The following SPOCK3 variants were observed in gnomAD, a reference collection of about 807,000 sequenced individuals.
SPOCK3 encodes the protein SPARC (osteonectin), cwcv and kazal like domains proteoglycan 3.
A neutral mutation model predicts 56.6 loss-of-function variants in SPOCK3; 30 were observed. The ratio of observed to expected loss-of-function variants is 0.53; its 90% CI spans 0.40 to 0.72. The LOEUF is 0.72. Among genes scored for constraint, SPOCK3 ranks in the 30% least tolerant of loss-of-function variants. The pLI is 0.00. For synonymous variants in SPOCK3, 196 were observed against 183.3 expected, an observed-to-expected ratio of 1.07 and a Z score of -0.56; for missense variants, 527 against 530.0, an observed-to-expected ratio of 0.99 and a Z score of 0.06.
intron 6 of SPOCK3, among the ~76,000 whole-genome samples, chr4:166,819,000 T>C (rs1164155650): frequency 6.6e-6 from 1 of 152,070 alleles, no homozygotes; most frequent in Non-Finnish European, 1.5e-5. Context: ...CACTGATTTT[T>C]AGCAAATCAT....
At chr4:166,999,235 C>T (rs1012324088) in intron 4 of SPOCK3, among the ~76,000 whole-genome samples, 3 of 152,108 alleles carry the variant, frequency 2.0e-5, no homozygotes, top group Admixed American at 6.6e-5. Flanking sequence ...TTTTCAAACC[C>T]GCATACCTTT....
intron 3 of SPOCK3, among the ~76,000 whole-genome samples, chr4:167,051,771 C>T (rs949810738): frequency 3.3e-5 from 5 of 152,146 alleles, no homozygotes; most frequent in Non-Finnish European, 7.3e-5. Context: ...ACTGAGGTGG[C>T]GCCTGTCAAA....
intron 3 of SPOCK3, among the ~76,000 whole-genome samples, chr4:167,002,383 TA>T (rs149852603): frequency 0.025 from 3,733 of 152,258 alleles, 162 homozygotes; most frequent in African/African-American, 0.085. Flanking sequence ...CCATGAGATT[TA>T]AAATAAAGAA....
chr4:166,889,041 T>A, intron 6 of SPOCK3, 89 bp downstream of exon 6: 1 of 797,446 alleles, frequency 1.3e-6, no homozygotes, highest in South Asian at 1.5e-5. Context: ...AAAACAAACT[T>A]CATTGTGTAT....
At chr4:166,763,438 GTAA>G (rs1302824428) in intron 7 of SPOCK3, among the ~76,000 whole-genome samples, 1 of 152,070 alleles carries the variant, frequency 6.6e-6, no homozygotes, top group African/African-American at 2.4e-5. Flanking sequence ...GACAGAGAAT[GTAA>G]TAATACCAGA....
chr4:166,958,241 A>T (rs1285939713), intron 4 of SPOCK3, among the ~76,000 whole-genome samples: 1 of 151,956 alleles, frequency 6.6e-6, no homozygotes, highest in Non-Finnish European at 1.5e-5. Context: ...TGCTCTCTTG[A>T]TCCTGCTTTC....
At chr4:166,776,201 T>C (rs1401960569) in intron 7 of SPOCK3, among the ~76,000 whole-genome samples, 6 of 151,862 alleles carry the variant, frequency 4.0e-5, no homozygotes, top group Non-Finnish European at 8.8e-5. Context: ...GACCAGGAGG[T>C]CAGGAGATCG....
chr4:166,745,064 G>C (rs1735401712), intron 8 of SPOCK3, among the ~76,000 whole-genome samples: 1 of 152,184 alleles, frequency 6.6e-6, no homozygotes, highest in South Asian at 2.1e-4. Flanking sequence ...AAAACACTCT[G>C]CACGATATTA....
chr4:167,022,593 T>C (rs1751297499), intron 3 of SPOCK3, among the ~76,000 whole-genome samples: 1 of 151,986 alleles, frequency 6.6e-6, no homozygotes, highest in South Asian at 2.1e-4. Context: ...AAGATACAAT[T>C]GAAAGTACAG....
intron 6 of SPOCK3, among the ~76,000 whole-genome samples, chr4:166,862,088 T>A (rs1411685848): frequency 1.3e-5 from 2 of 152,166 alleles, no homozygotes; most frequent in African/African-American, 4.8e-5. Context: ...TGGCTGTATT[T>A]TTTAGCACAG....
intron 6 of SPOCK3, among the ~76,000 whole-genome samples, chr4:166,850,749 G>A (rs901862789): frequency 1.3e-4 from 20 of 152,322 alleles, no homozygotes; most frequent in African/African-American, 3.8e-4. Context: ...CGAATACTGC[G>A]CTTTTCCGAC....
At chr4:166,994,350 C>T (rs565709867) in intron 4 of SPOCK3, among the ~76,000 whole-genome samples, 1 of 152,260 alleles carries the variant, frequency 6.6e-6, no homozygotes. Flanking sequence ...ATCTGAAGCA[C>T]TCAGAGCTTG....
At position 167,233,985 on chromosome 4, in the gene SPOCK3, G is replaced by A. The variant is rs1253380872; in HGVS notation, c.189C>T (p.Asp63=). 1.1e-5 allele frequency: 17 copies of A among 1,612,186 alleles called. No homozygotes were observed. The highest frequency in any genetic ancestry group is 1.4e-5 in the Non-Finnish European group (17 of 1,178,508). ...KEVGQWNKFR[D]DDYFRTWSPG... is the part of the protein sequence containing the mutation. The stretch of plus-strand genomic sequence containing the variant: ...GGGGATGTGGGTGCGCGGAACTTAC[G>A]TCTCGGAATTTGTTCCACTGTCCGA... Residue 63 remains aspartate, a splice_region_variant and synonymous_variant, in exon 2 of 11, where the codon GAC becomes GAT. Coordinates refer to ENST00000357545, the MANE Select transcript of SPOCK3 (RefSeq NM_001040159.2).
intron 2 of SPOCK3, among the ~76,000 whole-genome samples, chr4:167,120,178 T>C (rs1216562273): frequency 6.6e-6 from 1 of 152,014 alleles, no homozygotes; most frequent in Admixed American, 6.6e-5. Flanking sequence ...GGATCCAGGG[T>C]TTCTTAGTTT....
chr4:167,121,156 T>C (rs534129689), intron 2 of SPOCK3, among the ~76,000 whole-genome samples: 4 of 150,832 alleles, frequency 2.7e-5, no homozygotes, highest in African/African-American at 7.2e-5. Context: ...AAATCTAATA[T>C]ATATTTAAAT....
intron 2 of SPOCK3, among the ~76,000 whole-genome samples, chr4:167,215,557 C>CA (rs979509512): frequency 6.6e-6 from 1 of 151,932 alleles, no homozygotes; most frequent in East Asian, 1.9e-4. Flanking sequence ...GAGGAAGACA[C>CA]AAAAAAAGAA....
intron 6 of SPOCK3, among the ~76,000 whole-genome samples, chr4:166,839,071 G>A (rs1407393535): frequency 6.6e-6 from 1 of 152,074 alleles, no homozygotes; most frequent in Non-Finnish European, 1.5e-5. Context: ...TTGGAATGAT[G>A]AGCAGCTTCC....
intron 3 of SPOCK3, chr4:167,011,348 C>T (rs1288163666): frequency 2.2e-6 from 1 of 454,574 alleles, no homozygotes; most frequent in South Asian, 1.6e-5. Flanking sequence ...CTTAAGCATA[C>T]CTATTCAAAC....
intron 7 of SPOCK3, among the ~76,000 whole-genome samples, chr4:166,769,836 C>A (rs1385689680): frequency 1.3e-5 from 2 of 152,158 alleles, no homozygotes; most frequent in Non-Finnish European, 2.9e-5. Context: ...TGGGCTCTAC[C>A]CAGATGGAGC....
Sources: gnomAD v4.1 joint callset for allele counts (sites outside exome capture counted in the v4.1 genomes callset) on GRCh38, gnomAD v4.1.1 for gene constraint, MANE v1.5 for transcripts, NCBI Gene and HGNC (gene_info 2026-07-23, HGNC 2026-07-21) for gene names.